The following MPP4 variants were observed in gnomAD, a reference collection of about 807,000 sequenced individuals.
MPP4 encodes the protein MAGUK p55 subfamily member 4.
In MPP4, 91 loss-of-function variants were observed where a neutral mutation model predicts 98.3. That is an observed-to-expected ratio of 0.93 (90% CI 0.78 to 1.10). MPP4 has a LOEUF of 1.10. Among genes scored for constraint, MPP4 ranks in the 50% least tolerant of loss-of-function variants. The pLI, the probability that MPP4 is intolerant of heterozygous loss-of-function variation, is 0.00. For synonymous variants in MPP4, 261 were observed against 271.8 expected (o/e 0.96, Z 0.39); for missense variants, 744 against 792.9 (o/e 0.94, Z 0.74).
At chr2:201,685,892 T>C (rs1688815465) in intron 6 of MPP4, 27 bp downstream of exon 6, 1 of 1,604,250 alleles carries the variant, frequency 6.2e-7, no homozygotes, top group Non-Finnish European at 8.5e-7. Flanking sequence ...TTACCCTAAA[T>C]GGAAAGATAA....
chr2:201,694,989 A>AC (rs1689139676), intron 1 of MPP4, among the ~76,000 whole-genome samples: 1 of 152,126 alleles, frequency 6.6e-6, no homozygotes, highest in Admixed American at 6.5e-5. Flanking sequence ...TTTAATGTTT[A>AC]TTTTTGGTAT....
At chr2:201,657,590 G>GTTTTGTTTTTTT (rs1687884719) in intron 16 of MPP4, among the ~76,000 whole-genome samples, 1 of 91,124 alleles carries the variant, frequency 1.1e-5, no homozygotes, top group African/African-American at 4.3e-5. Flanking sequence ...CCTGGCCCTT[G>GTTTTGTTTTTTT]TTTTTTTTTT....
rs373307503 is a variant in MPP4, at chr2:201,675,215, G to A, written c.986C>T (p.Ser329Leu). 1.9e-6 allele frequency: 3 copies of A among 1,608,030 alleles called. No individual in the cohort carries two copies. The highest frequency in any genetic ancestry group is 2.5e-6 in the Non-Finnish European group (3 of 1,177,452). The change falls in exon 11 of 22, where the codon TCA becomes TTA. Residue 329 changes from serine (S) to leucine (L), a missense_variant. Physicochemically the swap from Ser to Leu is moderately radical, Grantham distance 145 (BLOSUM62 -2). Coordinates refer to ENST00000409474, the MANE Select transcript of MPP4 (RefSeq NM_033066.3). ...QPYQPHTCLK[S>L]TLSISMEEED... is the part of the protein sequence containing the mutation. ...GCAGTTGCAATACTCACATAGGGTT[G>A]ACTTGAGGCAGGTGTGAGGCTGGTA...
chr2:201,650,788 C>A, intron 18 of MPP4: 2 of 985,362 alleles, frequency 2.0e-6, no homozygotes, highest in Non-Finnish European at 2.4e-6. Context: ...TAATACCCAA[C>A]CGAGTGGTGA....
At chr2:201,648,647 G>C (rs1355404321) in intron 20 of MPP4, among the ~76,000 whole-genome samples, 1 of 152,174 alleles carries the variant, frequency 6.6e-6, no homozygotes, top group African/African-American at 2.4e-5. Context: ...GACTCTCAAG[G>C]TGGATCAGCT....
chr2:201,669,117 TGTGTGA>T (rs758766653), intron 12 of MPP4, among the ~76,000 whole-genome samples: 823 of 96,006 alleles, frequency 8.6e-3, no homozygotes, highest in African/African-American at 0.017. Context: ...TGTGTGTGTG[TGTGTGA>T]GAGAGAGAGA....
At chr2:201,651,013 T>C in intron 18 of MPP4, 4 of 984,932 alleles carry the variant, frequency 4.1e-6, no homozygotes, top group Non-Finnish European at 4.8e-6. Context: ...CCAGGTATCA[T>C]GTTAGGTTCT....
chr2:201,650,294 C>G, intron 18 of MPP4, 129 bp from the exon 19 acceptor site: 1 of 1,419,198 alleles, frequency 7.0e-7, no homozygotes, highest in Non-Finnish European at 9.2e-7. Flanking sequence ...AATGCTAGAA[C>G]TAAAAAGAAG....
At chr2:201,683,116 C>T (rs1017906848) in intron 7 of MPP4, among the ~76,000 whole-genome samples, 200 bp from the exon 8 acceptor site, 3 of 150,910 alleles carry the variant, frequency 2.0e-5, no homozygotes, top group East Asian at 1.9e-4. Context: ...TTTTCTACCT[C>T]GTCATAAATA....
chr2:201,670,357 AT>A (rs1451135077), intron 11 of MPP4, among the ~76,000 whole-genome samples: 18 of 152,290 alleles, frequency 1.2e-4, no homozygotes, highest in Admixed American at 3.3e-4. Context: ...ATCATCTATA[AT>A]AGTTGAAAAT....
At chr2:201,698,497 A>G (rs571017426) in intron 1 of MPP4, 90 bp downstream of exon 1, 112 of 975,014 alleles carry the variant, frequency 1.1e-4, no homozygotes, top group Non-Finnish European at 1.5e-4. Flanking sequence ...ACCCAGATTT[A>G]TATCTTTAGC....
Position 201,645,302 on chromosome 2 carries a change from A to C in MPP4, c.1822T>G (p.Cys608Gly), listed in dbSNP as rs147373901. ...TGTATGGCAGACAACAACTGGGCAC[A>C]TGCATCGTGCAAGCTGTCATTCACA... is the stretch of plus-strand genomic sequence containing the variant. ...VIVNDSLHDA[C>G]AQLLSAIQKA... The change falls in exon 22 of 22, where the codon TGT becomes GGT. Residue 608 changes from cysteine (C) to glycine (G), a missense_variant. Physicochemically the swap from Cys to Gly is radical, Grantham distance 159 (BLOSUM62 -3). Coordinates refer to ENST00000409474, the MANE Select transcript of MPP4 (RefSeq NM_033066.3). 115 of 1,614,050 alleles carry C rather than the reference A, an allele frequency of 7.1e-5. No homozygotes were observed. The East Asian group carries it at 2.5e-3, about 35-fold the overall frequency.
At chr2:201,656,848 A>T (rs1280063973) in intron 16 of MPP4, among the ~76,000 whole-genome samples, 1 of 152,240 alleles carries the variant, frequency 6.6e-6, no homozygotes, top group African/African-American at 2.4e-5. Context: ...AGCCAGGCCA[A>T]GGGAACAGCA....
At chr2:201,660,447 G>A (rs1687993498) in intron 14 of MPP4, 101 bp from the exon 15 acceptor site, 5 of 1,266,048 alleles carry the variant, frequency 3.9e-6, no homozygotes, top group African/African-American at 1.5e-5. Context: ...AGCAAGACGT[G>A]CACGTCACCA....
At chr2:201,664,651 G>T (rs1688121045) in intron 13 of MPP4, among the ~76,000 whole-genome samples, 1 of 152,208 alleles carries the variant, frequency 6.6e-6, no homozygotes, top group African/African-American at 2.4e-5. Flanking sequence ...TTTAAAGAGA[G>T]ATTAAGGATT....
Position 201,671,652 on chromosome 2 carries a change from G to C in MPP4, c.995-1902C>G, listed in dbSNP as rs141420174. Among the ~76,000 whole-genome samples, 725 of 152,234 alleles carry C rather than the reference G, an allele frequency of 4.8e-3. 13 individuals carry two copies. Among genetic ancestry groups the C allele is most frequent in the Non-Finnish European group, 2.2e-3 (152 of 68,020 alleles). On this transcript the variant is annotated intron_variant, in intron 11 of 21. Coordinates refer to ENST00000409474, the MANE Select transcript of MPP4 (RefSeq NM_033066.3). ...ACTAACAAAGATCAAAAAAGACAAA[G>C]AAGGGCATTGCAAAGTGGTAAAGGG...
chr2:201,680,209 T>C (rs1325035251), intron 10 of MPP4: 1 of 152,254 alleles, frequency 6.6e-6, no homozygotes, highest in Non-Finnish European at 1.5e-5. Context: ...CCTTGAAAGA[T>C]GAATCCTTTT....
chr2:201,663,375 G>A (rs1380311751), intron 14 of MPP4, among the ~76,000 whole-genome samples: 1 of 152,212 alleles, frequency 6.6e-6, no homozygotes, highest in Non-Finnish European at 1.5e-5. Flanking sequence ...CTAGCCCTGT[G>A]AGAAGTACTG....
rs760850760 is a variant in MPP4, at chr2:201,685,881, C to T, written c.492+38G>A. 3.1e-6 allele frequency: 5 copies of T among 1,600,622 alleles called. No homozygotes were observed. The East Asian group carries it at 6.8e-5, about 22-fold the overall frequency. The stretch of plus-strand genomic sequence containing the variant: ...TAATTTGGTTCACAATTAACCTAAG[C>T]TTACCCTAAATGGAAAGATAAAAAA... On this transcript the variant is annotated intron_variant, in intron 6 of 21. Transcript: ENST00000409474.
Sources: gnomAD v4.1 joint callset for allele counts (sites outside exome capture counted in the v4.1 genomes callset) on GRCh38, gnomAD v4.1.1 for gene constraint, MANE v1.5 for transcripts, NCBI Gene and HGNC (gene_info 2026-07-23, HGNC 2026-07-21) for gene names.